The following PRMT3 variants were observed in gnomAD, a reference collection of about 807,000 sequenced individuals.
PRMT3 encodes the protein protein arginine methyltransferase 3, also known as protein arginine N-methyltransferase 3.
PRMT3 carries 62 observed loss-of-function variants against 71.9 expected under a neutral mutation model. That is an observed-to-expected ratio of 0.86 (90% CI 0.70 to 1.07). The LOEUF is 1.07. Ranked by LOEUF, PRMT3 falls within the 50% of genes least tolerant of loss-of-function variation. The pLI, the probability that PRMT3 is intolerant of heterozygous loss-of-function variation, is 0.00. For synonymous variants in PRMT3, 213 were observed against 220.4 expected (o/e 0.97, Z 0.30); for missense variants, 663 against 643.0 (o/e 1.03, Z -0.34).
chr11:20,409,689 A>ACACG (rs1849153658), intron 9 of PRMT3, among the ~76,000 whole-genome samples: 1 of 150,054 alleles, frequency 6.7e-6, no homozygotes, highest in Admixed American at 6.7e-5. Flanking sequence ...ACACACACAC[A>ACACG]CACGTTGCAT....
At chr11:20,393,295 A>G (rs969622442) in intron 5 of PRMT3, among the ~76,000 whole-genome samples, 4 of 152,118 alleles carry the variant, frequency 2.6e-5, no homozygotes, top group African/African-American at 9.7e-5. Context: ...AAAATACAAA[A>G]AATTAGCCGG....
chr11:20,394,556 A>T (rs775518061), intron 5 of PRMT3, among the ~76,000 whole-genome samples: 1 of 152,238 alleles, frequency 6.6e-6, no homozygotes, highest in Non-Finnish European at 1.5e-5. Context: ...GATTACCATA[A>T]CCAAGCTGAT....
intron 11 of PRMT3, among the ~76,000 whole-genome samples, chr11:20,452,761 C>T (rs1477904409): frequency 6.6e-6 from 1 of 152,124 alleles, no homozygotes; most frequent in Non-Finnish European, 1.5e-5. Flanking sequence ...AACATTTAAT[C>T]ATATTAACTC....
chr11:20,407,530 C>T (rs1849097979), intron 8 of PRMT3: 2 of 158,224 alleles, frequency 1.3e-5, no homozygotes, highest in Admixed American at 6.1e-5. Context: ...CTCACCCAGA[C>T]AGGCCATGTG....
chr11:20,494,822 T>A (rs967450719), intron 15 of PRMT3, among the ~76,000 whole-genome samples: 1 of 152,182 alleles, frequency 6.6e-6, no homozygotes, highest in Non-Finnish European at 1.5e-5. Context: ...CAGAAAACTT[T>A]CGGCAATAAT....
At chr11:20,449,635 A>G (rs1416635592) in intron 10 of PRMT3, among the ~76,000 whole-genome samples, 1 of 152,164 alleles carries the variant, frequency 6.6e-6, no homozygotes, top group Non-Finnish European at 1.5e-5. Flanking sequence ...AATAATTTTT[A>G]TAGAGGCATC....
rs777261623 is a variant in PRMT3 at position 20,395,805 on chromosome 11, G to A, written c.403G>A (p.Val135Ile). The change falls in exon 6 of 16, where the codon GTA becomes ATA. Residue 135 changes from valine (V) to isoleucine (I), a missense_variant and splice_region_variant. Physicochemically the swap from Val to Ile is conservative, Grantham distance 29 (BLOSUM62 3). Transcript: ENST00000331079. ...LEDDLLLQFD[V>I]EDLYEPVSVP... is the part of the protein sequence containing the mutation. ...ATAATGTCCATTTATTTCTTTAGAT[G>A]TAGAAGATCTTTATGAACCGGTGTC... 5.0e-6 allele frequency: 8 copies of A among 1,609,908 alleles called. No homozygotes were observed. The highest frequency in any genetic ancestry group is 6.8e-6 in the Non-Finnish European group (8 of 1,178,082).
intron 13 of PRMT3, among the ~76,000 whole-genome samples, chr11:20,479,192 T>TA (rs1202417848): frequency 6.6e-6 from 1 of 152,204 alleles, no homozygotes; most frequent in Non-Finnish European, 1.5e-5. Context: ...TTGAACTTTC[T>TA]ACTCTGCTCT....
At chr11:20,476,347 C>T (rs1355912744) in intron 13 of PRMT3, among the ~76,000 whole-genome samples, 1 of 152,080 alleles carries the variant, frequency 6.6e-6, no homozygotes, top group Non-Finnish European at 1.5e-5. Flanking sequence ...GCAAAAACTC[C>T]ATCTCAAAAA....
At chr11:20,494,107 T>C (rs1261066466) in intron 14 of PRMT3, 60 bp from the exon 15 acceptor site, 7 of 1,502,616 alleles carry the variant, frequency 4.7e-6, no homozygotes, top group African/African-American at 1.4e-5. Flanking sequence ...CGTAGATTAA[T>C]GTACCATGAT....
chr11:20,422,579 G>A (rs906449000), intron 9 of PRMT3, among the ~76,000 whole-genome samples: 7 of 152,106 alleles, frequency 4.6e-5, no homozygotes, highest in Non-Finnish European at 1.0e-4. Context: ...CAGTCCACTA[G>A]CAGGTTCTCT....
At chr11:20,483,422 C>CA (rs995942257) in intron 13 of PRMT3, among the ~76,000 whole-genome samples, 63 of 151,114 alleles carry the variant, frequency 4.2e-4, no homozygotes, top group African/African-American at 1.5e-3. Context: ...GAAAGCAGCA[C>CA]AAAAAATGGA....
chr11:20,486,488 CTG>C (rs1305167509), intron 13 of PRMT3, among the ~76,000 whole-genome samples: 1 of 152,030 alleles, frequency 6.6e-6, no homozygotes, highest in Non-Finnish European at 1.5e-5. Context: ...AATCTTCAAA[CTG>C]AATACAGCTG....
intron 10 of PRMT3, among the ~76,000 whole-genome samples, chr11:20,434,573 C>A (rs1849723258): frequency 6.6e-6 from 1 of 152,160 alleles, no homozygotes; most frequent in Non-Finnish European, 1.5e-5. Flanking sequence ...CAGTCTTCTG[C>A]ATATAGCTAG....
At position 20,397,578 on chromosome 11, in the gene PRMT3, C is replaced by T. The variant is rs188728944; in HGVS notation, c.562C>T (p.Gln188Ter). The change falls in exon 7 of 16, where the codon CAA becomes TAA. Residue 188 changes from glutamine to a stop codon, truncating the protein, a stop_gained and splice_region_variant. Coordinates refer to ENST00000331079, the MANE Select transcript of PRMT3 (RefSeq NM_005788.4). LOFTEE classifies it high-confidence loss of function. ...GGGTGTATTTCAAATTGATTACAGA[C>T]AATTTGCTCAGGATTTTGTGATGCA... ...RAREDLQKMK[Q>*]FAQDFVMHTD... The T allele has an allele frequency of 6.2e-7, 1 of 1,613,868 alleles. No individual in the cohort carries two copies. The highest frequency in any genetic ancestry group is 1.3e-5 in the African/African-American group (1 of 75,016).
At chr11:20,445,515 A>C (rs1030383929) in intron 10 of PRMT3, among the ~76,000 whole-genome samples, 6 of 152,092 alleles carry the variant, frequency 3.9e-5, no homozygotes, top group Admixed American at 2.6e-4. Context: ...TAGTTATATA[A>C]ATCTTTGTAT....
At chr11:20,448,725 G>A (rs1318765195) in intron 10 of PRMT3, among the ~76,000 whole-genome samples, 4 of 152,112 alleles carry the variant, frequency 2.6e-5, no homozygotes, top group Admixed American at 6.6e-5. Flanking sequence ...CCATTTTAAA[G>A]ACAAGATTCC....
At chr11:20,500,475 G>A (rs7930417) in intron 15 of PRMT3, among the ~76,000 whole-genome samples, 4,542 of 152,218 alleles carry the variant, frequency 0.03, 228 homozygotes, top group African/African-American at 0.1. Context: ...GAATCTTTAT[G>A]CTGTGTTATT....
At chr11:20,449,558 A>C (rs1049386174) in intron 10 of PRMT3, among the ~76,000 whole-genome samples, 4 of 152,148 alleles carry the variant, frequency 2.6e-5, no homozygotes, top group Admixed American at 2.6e-4. Context: ...TTAGATCGCA[A>C]CTTACTTAAC....
Sources: gnomAD v4.1 joint callset for allele counts (sites outside exome capture counted in the v4.1 genomes callset) on GRCh38, gnomAD v4.1.1 for gene constraint, MANE v1.5 for transcripts, NCBI Gene and HGNC (gene_info 2026-07-23, HGNC 2026-07-21) for gene names.